ADARB2: variants seen among roughly 807,000 people sequenced by gnomAD.
ADARB2 encodes the protein adenosine deaminase RNA specific B2 (inactive).
In ADARB2, 25 loss-of-function variants were observed where a neutral mutation model predicts 62.2. The ratio of observed to expected loss-of-function variants is 0.40; its 90% confidence interval spans 0.29 to 0.56. ADARB2 has a LOEUF of 0.56. ADARB2 is among the 20% of genes least tolerant of loss of function. The pLI, the probability that ADARB2 is intolerant of heterozygous loss-of-function variation, is 0.43. For synonymous variants in ADARB2, 572 were observed against 500.8 expected, an observed-to-expected ratio of 1.14 and a Z score of -1.90; for missense variants, 1,071 against 1,077.4, an observed-to-expected ratio of 0.99 and a Z score of 0.08.
intron 1 of ADARB2, among the ~76,000 whole-genome samples, chr10:1,454,841 C>G (rs1020720074): frequency 6.6e-6 from 1 of 152,104 alleles, no homozygotes; most frequent in Non-Finnish European, 1.5e-5. Flanking sequence ...GTATATTTTA[C>G]CATAATTTAA....
intron 1 of ADARB2, among the ~76,000 whole-genome samples, chr10:1,383,497 T>G (rs2131862259): frequency 6.6e-6 from 1 of 152,300 alleles, no homozygotes; most frequent in African/African-American, 2.4e-5. Context: ...CCAGCAGTTT[T>G]TCATGCAATA....
At chr10:1,687,377 G>A (rs748812406) in intron 1 of ADARB2, among the ~76,000 whole-genome samples, 7 of 150,018 alleles carry the variant, frequency 4.7e-5, no homozygotes, top group Non-Finnish European at 8.8e-5. Flanking sequence ...CCCTGCCTAA[G>A]TAAAGGAAGA....
intron 3 of ADARB2, among the ~76,000 whole-genome samples, chr10:1,281,718 G>C (rs1449044768): frequency 6.6e-6 from 1 of 152,232 alleles, no homozygotes; most frequent in Non-Finnish European, 1.5e-5. Flanking sequence ...GTTCCTGGGT[G>C]ACTGCTCTCG....
chr10:1,221,927 T>C (rs1830699206), intron 6 of ADARB2, among the ~76,000 whole-genome samples: 1 of 152,354 alleles, frequency 6.6e-6, no homozygotes, highest in Admixed American at 6.5e-5. Flanking sequence ...CTTGGGTATA[T>C]ACCCAGTAAT....
chr10:1,279,223 GTGC>G (rs1261624969), intron 3 of ADARB2, among the ~76,000 whole-genome samples: 1 of 152,186 alleles, frequency 6.6e-6, no homozygotes, highest in Non-Finnish European at 1.5e-5. Context: ...TGGCGCGTGG[GTGC>G]TGCCATCTTG....
chr10:1,184,616 A>G (rs950099370), intron 9 of ADARB2, among the ~76,000 whole-genome samples: 2 of 152,224 alleles, frequency 1.3e-5, no homozygotes, highest in African/African-American at 4.8e-5. Context: ...GGGTTCAGCA[A>G]TGAGCTCCTT....
intron 5 of ADARB2, 121 bp from the exon 6 acceptor site, chr10:1,233,966 CTTTTTTTTTTCCTT>C (rs1306527549): frequency 1.6e-5 from 12 of 745,564 alleles, no homozygotes; most frequent in African/African-American, 4.9e-5. Context: ...TATATTTTTC[CTTTTTTTTTTCCTT>C]TTTTTTTTGA....
At chr10:1,710,110 G>A (rs568281535) in intron 1 of ADARB2, among the ~76,000 whole-genome samples, 20 of 152,288 alleles carry the variant, frequency 1.3e-4, no homozygotes, top group Non-Finnish European at 8.8e-5. Context: ...ACAGTTGAGC[G>A]GAAAGGGTGG....
chr10:1,244,521 T>C (rs1830959413), intron 4 of ADARB2, among the ~76,000 whole-genome samples: 1 of 152,184 alleles, frequency 6.6e-6, no homozygotes, highest in Non-Finnish European at 1.5e-5. Flanking sequence ...CAGCTCCGTT[T>C]GGCTCCAGAC....
At chr10:1,688,780 C>T (rs1337939582) in intron 1 of ADARB2, among the ~76,000 whole-genome samples, 1 of 152,186 alleles carries the variant, frequency 6.6e-6, no homozygotes, top group Admixed American at 6.5e-5. Flanking sequence ...CAACCCTGAC[C>T]CTGTCTCATC....
intron 1 of ADARB2, among the ~76,000 whole-genome samples, chr10:1,489,750 T>C (rs1831596587): frequency 6.6e-6 from 1 of 152,094 alleles, no homozygotes; most frequent in South Asian, 2.1e-4. Flanking sequence ...GAAGAATATG[T>C]AAGGAAGAAG....
At chr10:1,437,758 G>A (rs1830849932) in intron 1 of ADARB2, among the ~76,000 whole-genome samples, 1 of 152,176 alleles carries the variant, frequency 6.6e-6, no homozygotes, top group Admixed American at 6.5e-5. Flanking sequence ...CAGCATTTCA[G>A]GCTGGAGCGA....
intron 1 of ADARB2, among the ~76,000 whole-genome samples, chr10:1,631,381 T>C (rs1833842297): frequency 6.6e-6 from 1 of 152,080 alleles, no homozygotes; most frequent in African/African-American, 2.4e-5. Flanking sequence ...TGCCTCGGGT[T>C]CCACTGTGAG....
chr10:1,592,195 G>C (rs539191236), intron 1 of ADARB2, among the ~76,000 whole-genome samples: 3 of 152,102 alleles, frequency 2.0e-5, no homozygotes, highest in Non-Finnish European at 2.9e-5. Context: ...AGATGCCCTC[G>C]CAAGTATAAC....
chr10:1,284,862 G>A (rs1235739208), intron 3 of ADARB2, among the ~76,000 whole-genome samples: 1 of 152,138 alleles, frequency 6.6e-6, no homozygotes, highest in African/African-American at 2.4e-5. Flanking sequence ...AGAGGAAGGT[G>A]GGCCTTAGAG....
chr10:1,624,595 C>T (rs1833744108), intron 1 of ADARB2, among the ~76,000 whole-genome samples: 1 of 152,174 alleles, frequency 6.6e-6, no homozygotes, highest in Non-Finnish European at 1.5e-5. Flanking sequence ...TGACAATTTC[C>T]CACCTCTGAA....
rs1395309169 is a variant in ADARB2 at position 1,603,055 on chromosome 10, TATAC to T, written c.100+133992_100+133995del. Among the ~76,000 whole-genome samples the T allele has an allele frequency of 2.5e-4, 38 of 149,162 alleles. 1 individual carries two copies. Among genetic ancestry groups the T allele is most frequent in the African/African-American group, 9.2e-4 (37 of 40,352 alleles). ...ATATAAACACACACGCACACACACC[TATAC>T]ATACACACAACACAGACACCTGTAC... On this transcript the variant is annotated intron_variant, in intron 1 of 9. Coordinates refer to ENST00000381312, the MANE Select transcript of ADARB2 (RefSeq NM_018702.4).
At chr10:1,360,283 G>A (rs771933984) in intron 3 of ADARB2, among the ~76,000 whole-genome samples, 7 of 152,230 alleles carry the variant, frequency 4.6e-5, no homozygotes, top group Non-Finnish European at 1.0e-4. Flanking sequence ...CCTTTTCCGA[G>A]CGTGGGACAC....
intron 1 of ADARB2, among the ~76,000 whole-genome samples, chr10:1,565,235 C>A (rs941780451): frequency 6.6e-6 from 1 of 152,188 alleles, no homozygotes; most frequent in African/African-American, 2.4e-5. Context: ...TATTTATGTG[C>A]ATTATTCTGG....
Sources: allele counts gnomAD v4.1 joint callset (sites outside exome capture counted in the v4.1 genomes callset), GRCh38; gene constraint gnomAD v4.1.1; transcripts MANE v1.5; gene names NCBI Gene and HGNC (gene_info 2026-07-23, HGNC 2026-07-21).